RAPGEF4: variants seen among roughly 807,000 people sequenced by gnomAD.
RAPGEF4 encodes the protein Rap guanine nucleotide exchange factor 4.
RAPGEF4 carries 66 observed loss-of-function variants against 147.9 expected under a neutral mutation model. The ratio of observed to expected loss-of-function variants is 0.45; its 90% CI spans 0.37 to 0.55. The LOEUF is 0.55. Among genes scored for constraint, RAPGEF4 ranks in the 20% least tolerant of loss-of-function variants. The pLI is 0.00. For missense variants in RAPGEF4, 1,071 were observed against 1,257.3 expected (o/e 0.85, Z 2.24); for synonymous variants, 419 against 442.7 (o/e 0.95, Z 0.67).
chr2:172,932,399 G>A (rs1312221614), intron 6 of RAPGEF4, among the ~76,000 whole-genome samples: 10 of 152,168 alleles, frequency 6.6e-5, no homozygotes, highest in Non-Finnish European at 8.8e-5. Flanking sequence ...ATTTTCTCAA[G>A]GAATGGGGCT....
chr2:172,837,673 C>T (rs1691115996), intron 4 of RAPGEF4, among the ~76,000 whole-genome samples: 1 of 152,116 alleles, frequency 6.6e-6, no homozygotes, highest in African/African-American at 2.4e-5. Context: ...CTCCTGGGTT[C>T]AATCCCACCT....
At chr2:172,990,780 A>C in intron 14 of RAPGEF4, 30 bp from the exon 15 acceptor site, 1 of 1,532,762 alleles carries the variant, frequency 6.5e-7, no homozygotes, top group Non-Finnish European at 9.0e-7. Flanking sequence ...AAGCGGCAGC[A>C]TCTGTATGTG....
intron 4 of RAPGEF4, among the ~76,000 whole-genome samples, chr2:172,871,442 G>T (rs1695225803): frequency 6.6e-6 from 1 of 152,110 alleles, no homozygotes; most frequent in South Asian, 2.1e-4. Context: ...GTTAGATGGA[G>T]GGTAGTGGAG....
At position 172,876,732 on chromosome 2, in the gene RAPGEF4, G is replaced by A. The variant is rs947506205; in HGVS notation, c.445-41070G>A. ...TCTCTTGTTTTGTTGTGTCTCTGCCGGGCTTTGGTATCAGGATGATGCTGG... is the reference window on the plus strand; with the variant it reads ...TCTCTTGTTTTGTTGTGTCTCTGCCAGGCTTTGGTATCAGGATGATGCTGG... On this transcript the variant is annotated intron_variant, in intron 4 of 30. Coordinates refer to ENST00000397081, the MANE Select transcript of RAPGEF4 (RefSeq NM_007023.4). 1.9e-4 allele frequency among the ~76,000 whole-genome samples: 29 copies of A among 152,210 alleles called. No homozygotes were observed. The East Asian group carries it at 2.1e-3, about 11-fold the overall frequency.
intron 4 of RAPGEF4, among the ~76,000 whole-genome samples, chr2:172,888,802 C>G (rs1408414285): frequency 1.3e-5 from 2 of 152,090 alleles, no homozygotes; most frequent in Non-Finnish European, 2.9e-5. Context: ...CAGCATTTTT[C>G]AAGAGTTTCT....
At chr2:173,035,163 C>T (rs1220047442) in intron 27 of RAPGEF4, among the ~76,000 whole-genome samples, 7 of 151,582 alleles carry the variant, frequency 4.6e-5, no homozygotes, top group African/African-American at 1.7e-4. Flanking sequence ...CAAGCAATCC[C>T]CCGACCTCAG....
intron 8 of RAPGEF4, among the ~76,000 whole-genome samples, chr2:172,964,401 A>ATTTTTTTTT (rs11374637): frequency 4.3e-5 from 5 of 115,164 alleles, no homozygotes; most frequent in Non-Finnish European, 6.7e-5. Flanking sequence ...TGCTCCTCCT[A>ATTTTTTTTT]TTTTTTTTTT....
intron 4 of RAPGEF4, among the ~76,000 whole-genome samples, chr2:172,825,997 C>T (rs1347755627): frequency 6.6e-6 from 1 of 152,138 alleles, no homozygotes; most frequent in East Asian, 1.9e-4. Context: ...TCTGTGTAAA[C>T]CTTATTTTAT....
chr2:172,967,671 T>A (rs1162679020), intron 10 of RAPGEF4, among the ~76,000 whole-genome samples: 3 of 152,172 alleles, frequency 2.0e-5, no homozygotes, highest in Non-Finnish European at 4.4e-5. Context: ...GCTGTAGAGG[T>A]TGTCAGTAGT....
intron 10 of RAPGEF4, among the ~76,000 whole-genome samples, chr2:172,979,758 G>C (rs947329825): frequency 3.9e-5 from 6 of 152,202 alleles, no homozygotes; most frequent in African/African-American, 1.4e-4. Context: ...TCTGATGCCT[G>C]TAATCCCAGC....
At chr2:173,018,864 T>C (rs1695757741) in intron 22 of RAPGEF4, 62 bp downstream of exon 22, 1 of 1,571,104 alleles carries the variant, frequency 6.4e-7, no homozygotes, top group Non-Finnish European at 8.7e-7. Flanking sequence ...AAGCAGAAAC[T>C]ATGTAAGGAG....
At chr2:172,740,487 GC>G (rs1694206814) in intron 1 of RAPGEF4, among the ~76,000 whole-genome samples, 1 of 152,150 alleles carries the variant, frequency 6.6e-6, no homozygotes, top group Non-Finnish European at 1.5e-5. Flanking sequence ...CATCTGACTT[GC>G]CCCCAAATAG....
intron 1 of RAPGEF4, among the ~76,000 whole-genome samples, chr2:172,742,841 A>G (rs1694424577): frequency 6.6e-6 from 1 of 152,142 alleles, no homozygotes; most frequent in South Asian, 2.1e-4. Flanking sequence ...CACACCCTTG[A>G]CCCTGCTGCC....
intron 27 of RAPGEF4, among the ~76,000 whole-genome samples, chr2:173,035,570 A>G (rs1683885226): frequency 6.6e-6 from 1 of 151,528 alleles, no homozygotes; most frequent in African/African-American, 2.4e-5. Flanking sequence ...CAAGCTGGTC[A>G]TGAACTCCTA....
chr2:173,046,983 C>T, intron 29 of RAPGEF4, among the ~76,000 whole-genome samples: 1 of 152,082 alleles, frequency 6.6e-6, no homozygotes, highest in East Asian at 1.9e-4. Flanking sequence ...CTTTGGCAAG[C>T]CAAGGGTCCG....
chr2:172,765,239 C>T lies in RAPGEF4; in HGVS notation c.65+29191C>T, dbSNP rs145274663. Among the ~76,000 whole-genome samples the T allele has an allele frequency of 2.2e-3, 339 of 152,254 alleles. 2 individuals are homozygous for T. Among genetic ancestry groups the T allele is most frequent in the Non-Finnish European group, 2.5e-3 (173 of 68,034 alleles). ...CTGGTCATATTGGATTTAGGGAGAA[C>T]CCTAGTTCTATATGACCTCTTCTTA... On this transcript the variant is annotated intron_variant, in intron 1 of 30. Transcript: ENST00000397081.
At chr2:173,049,227 C>T (rs529681930) in intron 30 of RAPGEF4, among the ~76,000 whole-genome samples, 1 of 152,266 alleles carries the variant, frequency 6.6e-6, no homozygotes, top group African/African-American at 2.4e-5. Context: ...TGGTATAATA[C>T]TTTAATATAA....
chr2:172,737,348 T>G (rs1021954584), intron 1 of RAPGEF4, among the ~76,000 whole-genome samples: 1 of 152,258 alleles, frequency 6.6e-6, no homozygotes, highest in Non-Finnish European at 1.5e-5. Flanking sequence ...AGGTTGTTAA[T>G]GTGATAAGTA....
chr2:172,978,768 C>T (rs1691367277), intron 10 of RAPGEF4, among the ~76,000 whole-genome samples: 1 of 152,202 alleles, frequency 6.6e-6, no homozygotes, highest in African/African-American at 2.4e-5. Context: ...CTCGTCTGCT[C>T]TCTATTATCC....
Sources: gnomAD v4.1 joint callset for allele counts (sites outside exome capture counted in the v4.1 genomes callset) on GRCh38, gnomAD v4.1.1 for gene constraint, MANE v1.5 for transcripts, NCBI Gene and HGNC (gene_info 2026-07-23, HGNC 2026-07-21) for gene names.